The following ZFHX3 variants were observed in gnomAD, a reference collection of about 807,000 sequenced individuals.
The protein encoded by ZFHX3 is zinc finger homeobox 3.
ZFHX3 carries 42 observed loss-of-function variants against 279.1 expected under a neutral mutation model. The ratio of observed to expected loss-of-function variants is 0.15; its 90% CI spans 0.12 to 0.19. The LOEUF is 0.19. Ranked by LOEUF, ZFHX3 falls within the 10% of genes least tolerant of loss-of-function variation. ZFHX3 has a pLI of 1.00. For missense variants in ZFHX3, 4,981 were observed against 4,754.0 expected (o/e 1.05, Z -1.40); for synonymous variants, 2,293 against 1,957.8 (o/e 1.17, Z -4.52).
chr16:73,159,620 T>C (rs1041234342), intron 5 of ZFHX3, among the ~76,000 whole-genome samples: 2 of 152,238 alleles, frequency 1.3e-5, no homozygotes, highest in Non-Finnish European at 2.9e-5. Flanking sequence ...ACTCGGAGAA[T>C]GGCCCAGCTT....
chr16:72,837,591 G>T (rs2037228191), intron 4 of ZFHX3, among the ~76,000 whole-genome samples: 1 of 147,038 alleles, frequency 6.8e-6, no homozygotes, highest in Admixed American at 7.0e-5. Context: ...CGATCCTCCT[G>T]AGTAGCTTGG....
intron 3 of ZFHX3, among the ~76,000 whole-genome samples, chr16:73,378,547 C>G (rs2016764510): frequency 6.6e-6 from 1 of 152,144 alleles, no homozygotes; most frequent in Admixed American, 6.5e-5. Context: ...GTTAAAAAAA[C>G]TATAAAAATA....
intron 3 of ZFHX3, among the ~76,000 whole-genome samples, chr16:72,924,926 G>C (rs1171931972): frequency 6.6e-6 from 1 of 151,972 alleles, no homozygotes; most frequent in African/African-American, 2.4e-5. Flanking sequence ...TTACAGAAAC[G>C]CACCTATAGA....
chr16:73,525,816 G>C (rs951904086), intron 2 of ZFHX3, among the ~76,000 whole-genome samples: 17 of 152,158 alleles, frequency 1.1e-4, no homozygotes. Flanking sequence ...TCTCTTAGGA[G>C]TTTTGAGCTA....
intron 5 of ZFHX3, among the ~76,000 whole-genome samples, chr16:73,198,154 G>T (rs987084275): frequency 6.6e-6 from 1 of 151,590 alleles, no homozygotes; most frequent in Admixed American, 6.6e-5. Flanking sequence ...AGCCAGGATG[G>T]TCTCCATCTT....
chr16:73,617,435 A>G (rs1370369054), intron 2 of ZFHX3, among the ~76,000 whole-genome samples: 2 of 152,382 alleles, frequency 1.3e-5, no homozygotes, highest in East Asian at 3.9e-4. Flanking sequence ...AATTATTTGT[A>G]TACTAAATAG....
At chr16:73,628,879 G>A (rs2052442253) in intron 2 of ZFHX3, among the ~76,000 whole-genome samples, 1 of 152,144 alleles carries the variant, frequency 6.6e-6, no homozygotes, top group Admixed American at 6.5e-5. Context: ...TCCAACCACT[G>A]ACTCCAGGGG....
At chr16:73,780,653 GCTGGTCTCAAAC>G (rs1959438067) in intron 1 of ZFHX3, among the ~76,000 whole-genome samples, 1 of 152,108 alleles carries the variant, frequency 6.6e-6, no homozygotes, top group Admixed American at 6.5e-5. Flanking sequence ...TGTTAGCCAG[GCTGGTCTCAAAC>G]TCCTGGCCTT....
At chr16:73,490,158 T>C (rs2019035621) in intron 2 of ZFHX3, among the ~76,000 whole-genome samples, 1 of 152,226 alleles carries the variant, frequency 6.6e-6, no homozygotes, top group African/African-American at 2.4e-5. Flanking sequence ...ATACTATCAG[T>C]AGACACACTG....
At chr16:73,315,256 T>C (rs543123485) in intron 4 of ZFHX3, among the ~76,000 whole-genome samples, 13 of 151,718 alleles carry the variant, frequency 8.6e-5, no homozygotes, top group Admixed American at 8.5e-4. Flanking sequence ...TTTAATATAG[T>C]TCAAGTGACA....
At chr16:73,390,927 A>G (rs1411872708) in intron 3 of ZFHX3, among the ~76,000 whole-genome samples, 1 of 152,122 alleles carries the variant, frequency 6.6e-6, no homozygotes, top group Non-Finnish European at 1.5e-5. Context: ...ATTTAACGCC[A>G]TCATTATTTC....
intron 4 of ZFHX3, among the ~76,000 whole-genome samples, chr16:73,286,251 C>T (rs2014593939): frequency 6.6e-6 from 1 of 152,132 alleles, no homozygotes; most frequent in Admixed American, 6.5e-5. Flanking sequence ...AGTAATGGAA[C>T]AACGGCCCCA....
At chr16:72,829,167 G>A (rs2037004431) in intron 5 of ZFHX3, among the ~76,000 whole-genome samples, 1 of 142,662 alleles carries the variant, frequency 7.0e-6, no homozygotes, top group Admixed American at 7.7e-5. Flanking sequence ...ACCACACCCA[G>A]CATTTTTTTT....
intron 4 of ZFHX3, among the ~76,000 whole-genome samples, chr16:73,272,948 T>C (rs2014189921): frequency 6.6e-6 from 1 of 152,160 alleles, no homozygotes; most frequent in South Asian, 2.1e-4. Flanking sequence ...GATCTCCCTA[T>C]GTTTCCTGGG....
intron 4 of ZFHX3, among the ~76,000 whole-genome samples, chr16:73,275,124 C>A (rs2014258342): frequency 6.6e-6 from 1 of 152,174 alleles, no homozygotes; most frequent in Admixed American, 6.5e-5. Context: ...TTGCCATTTC[C>A]TGTTTCGGGA....
intron 6 of ZFHX3, among the ~76,000 whole-genome samples, chr16:73,138,629 C>T (rs1966833203): frequency 6.6e-6 from 1 of 152,154 alleles, no homozygotes; most frequent in Non-Finnish European, 1.5e-5. Flanking sequence ...TGTTACAGGT[C>T]ACTAGGGTTG....
At chr16:73,316,741 G>C (rs796618563) in intron 4 of ZFHX3, among the ~76,000 whole-genome samples, 7 of 152,236 alleles carry the variant, frequency 4.6e-5, no homozygotes, top group African/African-American at 1.7e-4. Context: ...CCAAACGGTT[G>C]CTATACTTAG....
intron 5 of ZFHX3, among the ~76,000 whole-genome samples, chr16:73,164,952 C>T (rs1465082840): frequency 1.3e-5 from 2 of 152,204 alleles, no homozygotes; most frequent in Non-Finnish European, 2.9e-5. Context: ...CAGGTCAGAA[C>T]TTGCATCCTT....
intron 2 of ZFHX3, among the ~76,000 whole-genome samples, chr16:73,616,389 G>A (rs906811795): frequency 7.1e-6 from 1 of 140,862 alleles, no homozygotes; most frequent in African/African-American, 2.7e-5. Flanking sequence ...TCTAAGTGGA[G>A]CATACTAGAT....
Sources: gnomAD v4.1 joint callset for allele counts (sites outside exome capture counted in the v4.1 genomes callset) on GRCh38, gnomAD v4.1.1 for gene constraint, MANE v1.5 for transcripts, NCBI Gene and HGNC (gene_info 2026-07-23, HGNC 2026-07-21) for gene names.